Variants in TAF2 observed in about 807,000 individuals in gnomAD.
TAF2 encodes TATA-box binding protein associated factor 2.
Under a neutral mutation model 138.5 loss-of-function variants are expected in TAF2, and 61 were observed. The observed-to-expected ratio is 0.44, with a 90% CI of 0.36 to 0.54. The LOEUF is 0.54. Ranked by LOEUF, TAF2 falls within the 20% of genes least tolerant of loss-of-function variation. The pLI is 0.00. For missense variants in TAF2, 1,090 were observed against 1,427.9 expected (o/e 0.76, Z 3.81); for synonymous variants, 475 against 469.9 (o/e 1.01, Z -0.14).
chr8:119,758,839 T>C (rs1175619602), intron 20 of TAF2, among the ~76,000 whole-genome samples: 1 of 152,146 alleles, frequency 6.6e-6, no homozygotes, highest in East Asian at 1.9e-4. Flanking sequence ...GAAGTCATAG[T>C]TCACATTTAG....
intron 9 of TAF2, among the ~76,000 whole-genome samples, chr8:119,793,831 T>C (rs1032380718): frequency 6.7e-6 from 1 of 149,774 alleles, no homozygotes; most frequent in Non-Finnish European, 1.5e-5. Flanking sequence ...TCTATCATTT[T>C]AAAACTTCTC....
intron 2 of TAF2, among the ~76,000 whole-genome samples, chr8:119,820,994 T>C (rs1319200705): frequency 6.7e-6 from 1 of 149,536 alleles, no homozygotes; most frequent in Non-Finnish European, 1.5e-5. Flanking sequence ...AAAGATAAGA[T>C]TTAGAACCAA....
At chr8:119,744,153 G>T in intron 24 of TAF2, 135 bp downstream of exon 24, 1 of 873,056 alleles carries the variant, frequency 1.1e-6, no homozygotes, top group Non-Finnish European at 1.8e-6. Flanking sequence ...GTTATAATCT[G>T]CTACAATTTA....
intron 17 of TAF2, among the ~76,000 whole-genome samples, chr8:119,778,388 T>C (rs796802365): frequency 9.8e-5 from 15 of 152,310 alleles, no homozygotes; most frequent in African/African-American, 3.6e-4. Context: ...TTGGCCTTCA[T>C]TTGCTGGAGG....
intron 24 of TAF2, among the ~76,000 whole-genome samples, chr8:119,743,237 A>C (rs180923192): frequency 6.6e-6 from 1 of 152,318 alleles, no homozygotes; most frequent in East Asian, 1.9e-4. Flanking sequence ...GAATTTTAGA[A>C]ACATAACGCT....
chr8:119,787,738 G>A (rs976761194), intron 14 of TAF2, among the ~76,000 whole-genome samples: 1 of 152,096 alleles, frequency 6.6e-6, no homozygotes, highest in African/African-American at 2.4e-5. Flanking sequence ...CCCATTACTG[G>A]GTATTACCCA....
rs1053783834 is a variant in TAF2 at position 119,777,721 on chromosome 8, T to C, written c.2364+298A>G. Among the ~76,000 whole-genome samples the C allele has an allele frequency of 5.3e-5, 8 of 152,210 alleles. No individual in the cohort carries two copies. The East Asian group carries it at 1.5e-3, about 29-fold the overall frequency. ...TAAATAAAATTGTGCTGTCAGGTTT[T>C]ATCAAGTTTTAACTGGCTACCCCAA... On this transcript the variant is annotated intron_variant, in intron 18 of 25. Coordinates refer to ENST00000378164, the MANE Select transcript of TAF2 (RefSeq NM_003184.4).
chr8:119,791,395 T>C lies in TAF2; in HGVS notation c.1342A>G (p.Met448Val), dbSNP rs752092538. The C allele has an allele frequency of 5.0e-6, 8 of 1,613,522 alleles. No homozygotes were observed. The highest frequency in any genetic ancestry group is 3.3e-5 in the Admixed American group (2 of 60,014). ...ACAAGGTGGGCTTTACACTGAAACA[T>C]ACTGTAGTATTCCCAGGACAGTGTA... ...PHTLSWEYYS[M>V]FQCKAHLVMR... The change falls in exon 11 of 26, where the codon ATG (methionine) becomes GTG (valine). Residue 448 changes from methionine to valine, a missense_variant. Around this residue, in one of 3 missense-constraint regions of TAF2, gnomAD observed 504 missense variants for 680.9 expected, o/e 0.74. Coordinates refer to ENST00000378164, the MANE Select transcript of TAF2 (RefSeq NM_003184.4).
In TAF2 at chr8:119,785,246, G is replaced by A. The variant is rs1296139492; in HGVS notation, c.1814C>T (p.Pro605Leu). ...ATCAACTTCTTCTCCATTCATCAGT[G>A]GGATTTTTTTCTTTTTATTCCTACA... ...KSRRNKKKKI[P>L]LMNGEEVDMD... is the part of the protein sequence containing the mutation. The change falls in exon 15 of 26, where the codon CCA becomes CTA. Residue 605 changes from proline (P) to leucine (L), a missense_variant. Coordinates refer to ENST00000378164, the MANE Select transcript of TAF2 (RefSeq NM_003184.4). 1 of 1,612,500 alleles carries A rather than the reference G, an allele frequency of 6.2e-7. No individual in the cohort carries two copies.
At chr8:119,824,783 T>C (rs1376640962) in intron 2 of TAF2, among the ~76,000 whole-genome samples, 1 of 152,208 alleles carries the variant, frequency 6.6e-6, no homozygotes, top group East Asian at 1.9e-4. Flanking sequence ...TCCCATGTGG[T>C]GGTGAGCCTG....
Position 119,778,052 on chromosome 8 carries a change from G to T in TAF2, c.2331C>A (p.Asp777Glu). 1 of 1,573,880 alleles carries T rather than the reference G, an allele frequency of 6.4e-7. No individual in the cohort carries two copies. Among genetic ancestry groups the T allele is most frequent in the Non-Finnish European group, 8.7e-7 (1 of 1,147,564 alleles). ...CPKEVLTFIL[D>E]LIKYNDNRKN... ...TCCTGTTGTCATTGTACTTGATTAA[G>T]TCTAAAATAAATGTTAAGACTTCTT... Residue 777 changes from aspartate to glutamate, a missense_variant, in exon 18 of 26, where the codon GAC becomes GAA. Coordinates refer to ENST00000378164, the MANE Select transcript of TAF2 (RefSeq NM_003184.4).
Position 119,801,868 on chromosome 8 carries a change from T to C in TAF2, c.718A>G (p.Ile240Val), listed in dbSNP as rs369525246. The change falls in exon 6 of 26, where the codon ATT (isoleucine) becomes GTT (valine). Residue 240 changes from isoleucine (I) to valine (V), a missense_variant. Physicochemically the swap from Ile to Val is conservative, Grantham distance 29 (BLOSUM62 3). Coordinates refer to ENST00000378164, the MANE Select transcript of TAF2 (RefSeq NM_003184.4). Reference sequence around the variant, plus strand: ...GAGATATTTGACGCTGCTGTAGGAATGGTAAGCATATAATGGAAAGTTTTC... The same window carrying C: ...GAGATATTTGACGCTGCTGTAGGAACGGTAAGCATATAATGGAAAGTTTTC... ...RKKTFHYMLT[I>V]PTAASNISLA... The C allele has an allele frequency of 1.1e-4, 174 of 1,614,192 alleles. No homozygotes were observed. Among genetic ancestry groups the C allele is most frequent in the South Asian group, 9.1e-4 (83 of 91,082 alleles).
At chr8:119,738,907 T>C (rs913385459) in intron 25 of TAF2, among the ~76,000 whole-genome samples, 11 of 152,160 alleles carry the variant, frequency 7.2e-5, no homozygotes, top group Admixed American at 5.2e-4. Flanking sequence ...AAAAAAAAAG[T>C]AGAATTATAT....
chr8:119,746,640 C>A, intron 23 of TAF2, 65 bp downstream of exon 23: 2 of 1,538,202 alleles, frequency 1.3e-6, no homozygotes, highest in African/African-American at 1.4e-5. Flanking sequence ...TCACAGGAAA[C>A]AATTCTCTTC....
At chr8:119,779,249 G>GACACACACAC (rs10636618) in intron 17 of TAF2, among the ~76,000 whole-genome samples, 1,566 of 147,358 alleles carry the variant, frequency 0.011, 19 homozygotes, top group South Asian at 0.045. Flanking sequence ...CACAACCTAA[G>GACACACACAC]ACACACACAC....
intron 23 of TAF2, 104 bp from the exon 24 acceptor site, chr8:119,744,497 C>T (rs943178745): frequency 1.1e-6 from 1 of 895,448 alleles, no homozygotes. Context: ...TAGGATATAC[C>T]CCCATATAAT....
chr8:119,756,902 G>A (rs555443402), intron 21 of TAF2, among the ~76,000 whole-genome samples: 53 of 152,282 alleles, frequency 3.5e-4, no homozygotes, highest in African/African-American at 1.2e-3. Context: ...GAAACCTACT[G>A]CAGTAGTCTA....
chr8:119,739,325 T>A (rs886579297), intron 25 of TAF2, among the ~76,000 whole-genome samples: 2 of 152,096 alleles, frequency 1.3e-5, no homozygotes, highest in Non-Finnish European at 2.9e-5. Flanking sequence ...GTGGGAACCA[T>A]AAAGGCCATT....
At chr8:119,823,862 C>T (rs950162902) in intron 2 of TAF2, among the ~76,000 whole-genome samples, 4 of 152,260 alleles carry the variant, frequency 2.6e-5, no homozygotes, top group Admixed American at 6.5e-5. Flanking sequence ...AAGGCCCAGG[C>T]TGAGGTGGTC....
Sources: gnomAD v4.1 joint callset for allele counts (sites outside exome capture counted in the v4.1 genomes callset) on GRCh38, gnomAD v4.1.1 for gene constraint, gnomAD v4.1.1 regional missense constraint, MANE v1.5 for transcripts, NCBI Gene and HGNC (gene_info 2026-07-23, HGNC 2026-07-21) for gene names.